The following TMPRSS6 variants were observed in gnomAD, a reference collection of about 807,000 sequenced individuals.
TMPRSS6 encodes transmembrane protease serine 6.
In TMPRSS6, 67 loss-of-function variants were observed where a neutral mutation model predicts 101.5. The ratio of observed to expected loss-of-function variants is 0.66; its 90% CI spans 0.54 to 0.81. The LOEUF is 0.81. Ranked by LOEUF, TMPRSS6 falls within the 30% of genes least tolerant of loss-of-function variation. TMPRSS6 has a pLI of 0.00. For missense variants in TMPRSS6, 1,034 were observed against 1,088.7 expected, an observed-to-expected ratio of 0.95 and a Z score of 0.71; for synonymous variants, 453 against 464.9, an observed-to-expected ratio of 0.97 and a Z score of 0.33.
At chr22:37,078,840 A>G (rs1927936905) in intron 10 of TMPRSS6, among the ~76,000 whole-genome samples, 1 of 110,362 alleles carries the variant, frequency 9.1e-6, no homozygotes, top group African/African-American at 4.6e-5. Context: ...GAGGAGGAGG[A>G]GAAGGAAGAG....
chr22:37,069,385 GT>G lies in TMPRSS6; in HGVS notation c.1842-42del, dbSNP rs976998334. 41 of 1,498,480 alleles carry G rather than the reference GT, an allele frequency of 2.7e-5. No homozygotes were observed. Among genetic ancestry groups the G allele is most frequent in the Non-Finnish European group, 3.5e-5 (39 of 1,114,030 alleles). 92.8% of individuals were successfully genotyped at this position (1,498,480 alleles called of 1,614,324 possible). Reference sequence around the variant, plus strand: ...GTGGGGTGGGGTGGGGTGAGGTGAGGTGGGAGGAAGCTGCCTCTCCCCATCC... The same window carrying G: ...GTGGGGTGGGGTGGGGTGAGGTGAGGGGGAGGAAGCTGCCTCTCCCCATCC... On this transcript the variant is annotated intron_variant, in intron 15 of 17. Transcript: ENST00000676104. The surrounding 1 kb of genome is among the most constrained non-coding windows in gnomAD (Gnocchi z 4.8).
In TMPRSS6 at chr22:37,096,748, C is replaced by T. The variant is rs373586743; in HGVS notation, c.337-33G>A. 85 of 1,553,840 alleles carry T rather than the reference C, an allele frequency of 5.5e-5. 1 individual carries two copies. The highest frequency in any genetic ancestry group is 6.9e-5 in the Non-Finnish European group (79 of 1,147,760). ...AAGGGAAGACAACAGCCCCTGGGAC[C>T]CTCTGCAGGGCAGACAGGCCCACTT... On this transcript the variant is annotated intron_variant, in intron 3 of 17. Coordinates refer to ENST00000676104, the MANE Select transcript of TMPRSS6 (RefSeq NM_001374504.1).
chr22:37,085,439 C>A (rs1928660863), intron 8 of TMPRSS6, among the ~76,000 whole-genome samples: 1 of 152,148 alleles, frequency 6.6e-6, no homozygotes, highest in East Asian at 1.9e-4. Context: ...CAGGTCTATG[C>A]CAGACAGTTT....
At chr22:37,104,244 A>G (rs1175556721) in intron 1 of TMPRSS6, among the ~76,000 whole-genome samples, 1 of 152,016 alleles carries the variant, frequency 6.6e-6, no homozygotes, top group African/African-American at 2.4e-5. Flanking sequence ...TCCTAGCCCC[A>G]TTTTCCCAGT....
rs1930951675 is a variant in TMPRSS6 at position 37,109,673 on chromosome 22, C to T, written c.-172G>A. The T allele has an allele frequency of 6.6e-6, 1 of 152,336 alleles. No homozygotes were observed. Among genetic ancestry groups the T allele is most frequent in the Non-Finnish European group, 1.5e-5 (1 of 68,124 alleles). 9.4% of individuals were successfully genotyped at this position (152,336 alleles called of 1,614,324 possible). A position where few individuals can be genotyped will look rare whatever the true frequency, so the allele number is the denominator to read the frequency against. On this transcript the variant is annotated 5_prime_UTR_variant, in exon 1 of 18. It removes an upstream start codon present in the reference 5' UTR. Coordinates refer to ENST00000676104, the MANE Select transcript of TMPRSS6 (RefSeq NM_001374504.1). ...CCCTGTGGCCTGTGGCCTCAGGCTC[C>T]ATGGAACTCCTCCTGCTGGGTCCTG...
Position 37,103,450 on chromosome 22 carries a change from G to A in TMPRSS6, c.-1-32C>T. 6.2e-7 allele frequency: 1 copy of A among 1,614,238 alleles called. No individual in the cohort carries two copies. Among genetic ancestry groups the A allele is most frequent in the South Asian group, 1.1e-5 (1 of 91,090 alleles). On this transcript the variant is annotated intron_variant, in intron 1 of 17. Coordinates refer to ENST00000676104, the MANE Select transcript of TMPRSS6 (RefSeq NM_001374504.1). This position sits in a 1 kb window ranked among gnomAD's most constrained non-coding sequence, Gnocchi z 4.4. Reference sequence around the variant, plus strand: ...GGGAAACAGACCAAAGTTGGAAACAGCCTCGCATTTGCAAGGGAGCCTCTG... The same window carrying A: ...GGGAAACAGACCAAAGTTGGAAACAACCTCGCATTTGCAAGGGAGCCTCTG...
intron 6 of TMPRSS6, among the ~76,000 whole-genome samples, chr22:37,094,543 TGATA>T (rs6147615): frequency 0.022 from 3,387 of 150,810 alleles, 129 homozygotes; most frequent in African/African-American, 0.078. Context: ...TCAACAGAGA[TGATA>T]GATAGATAGA....
intron 6 of TMPRSS6, among the ~76,000 whole-genome samples, chr22:37,093,965 A>G (rs5750379): frequency 0.43 from 65,530 of 151,768 alleles, 14,339 homozygotes; most frequent in African/African-American, 0.48. Flanking sequence ...GGAGGTTGCA[A>G]TGAGCCAAGA....
At chr22:37,088,327 G>A (rs1469130202) in intron 7 of TMPRSS6, among the ~76,000 whole-genome samples, 1 of 152,120 alleles carries the variant, frequency 6.6e-6, no homozygotes, top group Non-Finnish European at 1.5e-5. Context: ...GGTGTGGCAA[G>A]AACCTCTGCC....
At chr22:37,067,190 G>C (rs980714075) in intron 16 of TMPRSS6, among the ~76,000 whole-genome samples, 1 of 152,210 alleles carries the variant, frequency 6.6e-6, no homozygotes, top group African/African-American at 2.4e-5. Flanking sequence ...CATGTGGAGG[G>C]CCGGGCACGG....
At position 37,086,298 on chromosome 22, in the gene TMPRSS6, G is replaced by T. The variant is rs138251339; in HGVS notation, c.958C>A (p.Pro320Thr). The T allele has an allele frequency of 4.2e-5, 67 of 1,614,052 alleles. No individual in the cohort carries two copies. In the African/African-American group the frequency reaches 6.9e-4, roughly 17 times the overall value. ...GACCTCTCACCCTGGAAGACCACCG[G>T]CTGCACGGAGAGCACGAAGGGGTCG... ...YYDPFVLSVQ[P>T]VVFQACEVNL... The change falls in exon 8 of 18, where the codon CCG becomes ACG. Residue 320 changes from proline to threonine, a missense_variant. Transcript: ENST00000676104.
chr22:37,077,925 G>A (rs1430583982), intron 10 of TMPRSS6, among the ~76,000 whole-genome samples: 7 of 152,198 alleles, frequency 4.6e-5, no homozygotes, highest in Admixed American at 3.3e-4. Context: ...CGCCACCCCC[G>A]ACCATGGTTC....
intron 1 of TMPRSS6, among the ~76,000 whole-genome samples, chr22:37,105,372 G>T (rs528629783): frequency 6.6e-6 from 1 of 152,216 alleles, no homozygotes; most frequent in East Asian, 1.9e-4. Context: ...GTCCGGCAAC[G>T]GGTGGGACAG....
At chr22:37,078,636 G>A (rs886777035) in intron 10 of TMPRSS6, among the ~76,000 whole-genome samples, 2 of 151,866 alleles carry the variant, frequency 1.3e-5, no homozygotes, top group East Asian at 1.9e-4. Context: ...ATTGAGTCGC[G>A]AGCTAATTTC....
chr22:37,070,378 A>T, intron 15 of TMPRSS6, 106 bp downstream of exon 15: 27 of 1,422,854 alleles, frequency 1.9e-5, no homozygotes, highest in Middle Eastern at 1.9e-4. Context: ...TGGGGGGTCC[A>T]CCACCCTTCC....
At chr22:37,073,808 TGCGATG>T (rs1477333585) in intron 12 of TMPRSS6, among the ~76,000 whole-genome samples, 163 bp from the exon 13 acceptor site, 4 of 152,248 alleles carry the variant, frequency 2.6e-5, no homozygotes, top group Admixed American at 2.0e-4. Context: ...AAGGCTGGAG[TGCGATG>T]GCATGATCTC....
intron 1 of TMPRSS6, among the ~76,000 whole-genome samples, chr22:37,104,222 G>A (rs1043700360): frequency 1.3e-5 from 2 of 152,152 alleles, no homozygotes; most frequent in African/African-American, 4.8e-5. Flanking sequence ...CACTAACTCA[G>A]TCTAGGGCTT....
At position 37,103,783 on chromosome 22, in the gene TMPRSS6, G is replaced by C; in HGVS notation, c.-1-365C>G. On this transcript the variant is annotated intron_variant, in intron 1 of 17. Transcript: ENST00000676104. This position sits in a 1 kb window ranked among gnomAD's most constrained non-coding sequence, Gnocchi z 4.4. ...TGAAGTACATGGGGTGCAGACTTCT[G>C]TAGACATCTGACCTCTTGCCCTCAT... The C allele has an allele frequency of 3.3e-6, 2 of 609,612 alleles. No homozygotes were observed. Among genetic ancestry groups the C allele is most frequent in the Non-Finnish European group, 5.9e-6 (2 of 340,878 alleles). 37.8% of individuals were successfully genotyped at this position (609,612 alleles called of 1,614,324 possible). A position where few individuals can be genotyped will look rare whatever the true frequency, so the allele number is the denominator to read the frequency against.
At chr22:37,086,468 G>C in intron 7 of TMPRSS6, 49 bp from the exon 8 acceptor site, 1 of 1,551,252 alleles carries the variant, frequency 6.4e-7, no homozygotes. Flanking sequence ...TGGGAGGGGA[G>C]TGGCAGGGAG....
Sources: gnomAD v4.1 joint callset for allele counts (sites outside exome capture counted in the v4.1 genomes callset) on GRCh38, gnomAD v4.1.1 for gene constraint, Gnocchi (gnomAD v3.1) non-coding constraint, MANE v1.5 for transcripts, NCBI Gene and HGNC (gene_info 2026-07-23, HGNC 2026-07-21) for gene names.